SPATA16: variants seen among roughly 807,000 people sequenced by gnomAD.
SPATA16 encodes the protein spermatogenesis-associated protein 16.
A neutral mutation model predicts 63.3 loss-of-function variants in SPATA16; 36 were observed. The observed-to-expected ratio is 0.57, with a 90% CI of 0.44 to 0.75. The LOEUF (loss-of-function observed/expected upper bound fraction) is 0.75, where lower values mean the gene tolerates loss of function less well. Ranked by LOEUF, SPATA16 falls within the 30% of genes least tolerant of loss-of-function variation. SPATA16 has a pLI of 0.00. For missense variants in SPATA16, 646 were observed against 679.3 expected (o/e 0.95, Z 0.54); for synonymous variants, 203 against 216.7 (o/e 0.94, Z 0.56).
chr3:172,988,718 C>T (rs1734509051), intron 4 of SPATA16, among the ~76,000 whole-genome samples: 1 of 152,192 alleles, frequency 6.6e-6, no homozygotes, highest in Non-Finnish European at 1.5e-5. Context: ...CTCACTGCAA[C>T]CTCCGCCTCC....
chr3:173,138,771 G>A (rs143816240), intron 1 of SPATA16, among the ~76,000 whole-genome samples: 35 of 152,270 alleles, frequency 2.3e-4, no homozygotes, highest in South Asian at 4.1e-4. Context: ...TTAAAGAGAC[G>A]CTTTCTAACA....
chr3:172,920,880 G>A (rs540840271), intron 8 of SPATA16, among the ~76,000 whole-genome samples: 1 of 152,242 alleles, frequency 6.6e-6, no homozygotes, highest in African/African-American at 2.4e-5. Flanking sequence ...TCAAGGACTA[G>A]TATCATCTTT....
intron 2 of SPATA16, among the ~76,000 whole-genome samples, chr3:173,068,938 G>A (rs1274506491): frequency 4.7e-5 from 7 of 150,144 alleles, no homozygotes; most frequent in African/African-American, 1.2e-4. Context: ...GTGAAACCCC[G>A]TCTCTAATAA....
chr3:172,956,045 G>C (rs1392114), intron 6 of SPATA16, among the ~76,000 whole-genome samples: 77,631 of 151,926 alleles, frequency 0.51, 20,362 homozygotes, highest in African/African-American at 0.62. Flanking sequence ...TTGTTGAGTA[G>C]CTCCTAATTT....
At chr3:173,128,857 T>A (rs894875053) in intron 1 of SPATA16, among the ~76,000 whole-genome samples, 2 of 152,268 alleles carry the variant, frequency 1.3e-5, no homozygotes, top group Admixed American at 1.3e-4. Context: ...CTACAGAGGA[T>A]ACTGATATTG....
At chr3:173,104,587 T>C (rs1343880978) in intron 2 of SPATA16, among the ~76,000 whole-genome samples, 1 of 152,048 alleles carries the variant, frequency 6.6e-6, no homozygotes, top group Non-Finnish European at 1.5e-5. Flanking sequence ...CTACAAATTT[T>C]TAAATAACCA....
chr3:172,976,918 T>C, intron 5 of SPATA16, 50 bp downstream of exon 5: 1 of 1,469,284 alleles, frequency 6.8e-7, no homozygotes, highest in Non-Finnish European at 9.5e-7. Context: ...TCATTTTGGC[T>C]CTAAAAATGA....
chr3:172,924,730 AGAG>A (rs1235525083), intron 7 of SPATA16, among the ~76,000 whole-genome samples: 2 of 152,342 alleles, frequency 1.3e-5, no homozygotes, highest in Admixed American at 1.3e-4. Context: ...GATAAGCCTC[AGAG>A]GATACAGTGC....
At chr3:172,961,054 TCTTTCTTTCTTCTTTCTTC>T (rs1560080239) in intron 5 of SPATA16, among the ~76,000 whole-genome samples, 4 of 76,206 alleles carry the variant, frequency 5.2e-5, no homozygotes, top group African/African-American at 2.0e-4. Context: ...CTTTCTTCTT[TCTTTCTTTCTTCTTTCTTC>T]CTTCCTTCCT....
At chr3:173,062,573 A>C (rs9833380) in intron 2 of SPATA16, among the ~76,000 whole-genome samples, 2 of 151,888 alleles carry the variant, frequency 1.3e-5, no homozygotes, top group African/African-American at 4.8e-5. Flanking sequence ...ATGAGATAAG[A>C]CTGACTAACT....
intron 4 of SPATA16, among the ~76,000 whole-genome samples, chr3:172,980,277 G>A (rs1249928486): frequency 6.6e-6 from 1 of 152,196 alleles, no homozygotes; most frequent in Non-Finnish European, 1.5e-5. Context: ...GTGAGATCCT[G>A]GTTCCGGCAG....
chr3:173,015,433 G>T (rs1735160162), intron 4 of SPATA16, among the ~76,000 whole-genome samples: 1 of 152,108 alleles, frequency 6.6e-6, no homozygotes, highest in Admixed American at 6.5e-5. Flanking sequence ...CCTTCTGTTA[G>T]CTGCTTCTTA....
chr3:172,930,553 C>CTTTTT (rs34780432), intron 6 of SPATA16, among the ~76,000 whole-genome samples: 55 of 87,354 alleles, frequency 6.3e-4, no homozygotes, highest in Middle Eastern at 8.1e-3. Flanking sequence ...CATTCAAACT[C>CTTTTT]TTTTTTTTTT....
At chr3:173,074,135 C>T (rs1736734384) in intron 2 of SPATA16, among the ~76,000 whole-genome samples, 2 of 152,212 alleles carry the variant, frequency 1.3e-5, no homozygotes, top group South Asian at 2.1e-4. Flanking sequence ...TGGGAAGTAA[C>T]TAACTTGCTT....
intron 2 of SPATA16, among the ~76,000 whole-genome samples, chr3:173,070,762 A>C (rs952288610): frequency 1.3e-5 from 2 of 152,228 alleles, no homozygotes; most frequent in African/African-American, 4.8e-5. Context: ...CAAAGAAGTA[A>C]AAGATTTCTA....
At chr3:172,890,458 G>T (rs1395871914) in intron 10 of SPATA16, among the ~76,000 whole-genome samples, 1 of 152,098 alleles carries the variant, frequency 6.6e-6, no homozygotes, top group Non-Finnish European at 1.5e-5. Context: ...CCTAGGACCT[G>T]CATATTGTAT....
intron 4 of SPATA16, among the ~76,000 whole-genome samples, chr3:172,990,034 T>C (rs2108260022): frequency 1.3e-5 from 2 of 152,314 alleles, no homozygotes; most frequent in East Asian, 1.9e-4. Context: ...TTATGTCATC[T>C]CTTAGAGCCC....
chr3:172,966,018 T>C (rs540795713), intron 5 of SPATA16, among the ~76,000 whole-genome samples: 1 of 152,226 alleles, frequency 6.6e-6, no homozygotes, highest in Non-Finnish European at 1.5e-5. Flanking sequence ...TGACTTCCCA[T>C]GCTTTCATCC....
At chr3:173,027,510 A>C (rs1735477742) in intron 3 of SPATA16, among the ~76,000 whole-genome samples, 1 of 151,822 alleles carries the variant, frequency 6.6e-6, no homozygotes, top group African/African-American at 2.4e-5. Flanking sequence ...AGCTTCTCAG[A>C]CTTGAATTTT....
Sources: allele counts gnomAD v4.1 joint callset (sites outside exome capture counted in the v4.1 genomes callset), GRCh38; gene constraint gnomAD v4.1.1; transcripts MANE v1.5; gene names NCBI Gene and HGNC (gene_info 2026-07-23, HGNC 2026-07-21).